Variants in RSRC1 observed in about 807,000 individuals in gnomAD.
RSRC1 encodes the protein serine/Arginine-related protein 53.
In RSRC1, 39 loss-of-function variants were observed where a neutral mutation model predicts 49.1. The ratio of observed to expected loss-of-function variants is 0.79; its 90% confidence interval spans 0.61 to 1.04. The LOEUF (loss-of-function observed/expected upper bound fraction) is 1.04. Ranked by LOEUF, RSRC1 falls within the 50% of genes least tolerant of loss-of-function variation. The probability of loss-of-function intolerance (pLI) is 0.00; values close to 1 mark genes in which losing one functional copy is unlikely to be tolerated. For missense variants in RSRC1, 388 were observed against 402.4 expected (o/e 0.96, Z 0.31); for synonymous variants, 143 against 130.8 (o/e 1.09, Z -0.63).
chr3:158,291,144 A>G (rs1466060867), intron 4 of RSRC1, among the ~76,000 whole-genome samples: 1 of 152,240 alleles, frequency 6.6e-6, no homozygotes, highest in Non-Finnish European at 1.5e-5. Flanking sequence ...GAGTCTAACT[A>G]GATGTTGCTA....
chr3:158,474,237 A>G lies in RSRC1; in HGVS notation c.652+13234A>G, dbSNP rs1241761012. ...CCATTCCGATAAAGCAAATATCTCA[A>G]TAAGGCCAGTCACACTAATTTTTTT... On this transcript the variant is annotated intron_variant, in intron 7 of 9. Coordinates refer to ENST00000611884, the MANE Select transcript of RSRC1 (RefSeq NM_001271838.2). Among the ~76,000 whole-genome samples, 4 of 152,290 alleles carry G rather than the reference A, an allele frequency of 2.6e-5. No homozygotes were observed. The South Asian group carries it at 6.2e-4, about 24-fold the overall frequency.
chr3:158,210,351 T>G (rs1721602350), intron 4 of RSRC1, among the ~76,000 whole-genome samples: 1 of 151,998 alleles, frequency 6.6e-6, no homozygotes, highest in Admixed American at 6.6e-5. Context: ...CATGCAAAAT[T>G]TATTGAAAAA....
intron 9 of RSRC1, chr3:158,543,752 T>TC (rs1466183862): frequency 2.0e-5 from 6 of 302,314 alleles, no homozygotes; most frequent in South Asian, 9.8e-5. Context: ...TTTTTTCCTT[T>TC]TTTTTTTTTT....
At chr3:158,469,440 G>A (rs1002651401) in intron 7 of RSRC1, 2 of 433,512 alleles carry the variant, frequency 4.6e-6, no homozygotes, top group African/African-American at 4.1e-5. Context: ...AGAAGCTGAA[G>A]ATGGATTAGT....
rs531642369 is a variant in RSRC1, at chr3:158,258,620, T to G, written c.495-39419T>G. Among the ~76,000 whole-genome samples, 103 of 152,284 alleles carry G rather than the reference T, an allele frequency of 6.8e-4. 2 individuals are homozygous for G. Among genetic ancestry groups the G allele is most frequent in the South Asian group, 2.7e-3 (13 of 4,826 alleles). On this transcript the variant is annotated intron_variant, in intron 4 of 9. Coordinates refer to ENST00000611884, the MANE Select transcript of RSRC1 (RefSeq NM_001271838.2). ...TGGGAAATTCTCTGTTTTTATCCCTTTGAACAAACTTTCTACCTCTGTCTC... is the reference window on the plus strand; with the variant it reads ...TGGGAAATTCTCTGTTTTTATCCCTGTGAACAAACTTTCTACCTCTGTCTC...
chr3:158,229,289 C>CGTATATGTGTATGTATGTATATAAACAT (rs1553771830), intron 4 of RSRC1, among the ~76,000 whole-genome samples: 1,033 of 38,550 alleles, frequency 0.027, 71 homozygotes, highest in African/African-American at 0.07. Flanking sequence ...TAAACATACA[C>CGTATATGTGTATGTATGTATATAAACAT]ACACGTATAT....
chr3:158,489,635 T>C (rs547666311), intron 7 of RSRC1, among the ~76,000 whole-genome samples: 3 of 152,258 alleles, frequency 2.0e-5, no homozygotes, highest in East Asian at 3.9e-4. Flanking sequence ...TTAATTTATC[T>C]TCAAATTTAG....
At chr3:158,376,440 G>A (rs989571015) in intron 6 of RSRC1, among the ~76,000 whole-genome samples, 17 of 152,032 alleles carry the variant, frequency 1.1e-4, no homozygotes, top group Non-Finnish European at 2.4e-4. Flanking sequence ...GGGATTACAG[G>A]TGTGAGCTAC....
rs1321148651 is a variant in RSRC1 at position 158,488,251 on chromosome 3, TC to T, written c.652+27249del. Among the ~76,000 whole-genome samples the T allele has an allele frequency of 2.0e-5, 3 of 152,278 alleles. No individual in the cohort carries two copies. In the East Asian group the frequency reaches 5.8e-4, roughly 29 times the overall value. ...AAAAATCTGTTATGTCTGAAGGAAC[TC>T]TTTTAATAAGTATAAAAAATTCTAA... On this transcript the variant is annotated intron_variant, in intron 7 of 9. Transcript: ENST00000611884.
chr3:158,179,464 C>T (rs1228450815), intron 3 of RSRC1, among the ~76,000 whole-genome samples: 3 of 152,100 alleles, frequency 2.0e-5, no homozygotes, highest in African/African-American at 7.2e-5. Context: ...TAATTTTTGT[C>T]ATTTAAGAAC....
At chr3:158,533,367 T>A (rs1030602891) in intron 7 of RSRC1, among the ~76,000 whole-genome samples, 2 of 151,814 alleles carry the variant, frequency 1.3e-5, no homozygotes, top group East Asian at 1.9e-4. Flanking sequence ...GAAGTGATCT[T>A]TAAAGAAACA....
intron 7 of RSRC1, among the ~76,000 whole-genome samples, chr3:158,501,475 T>G (rs1173258751): frequency 1.3e-5 from 2 of 152,130 alleles, no homozygotes; most frequent in Non-Finnish European, 2.9e-5. Context: ...CCCCTACTAT[T>G]ATTGTGTTGC....
intron 3 of RSRC1, among the ~76,000 whole-genome samples, chr3:158,144,745 C>A (rs1403622398): frequency 6.6e-6 from 1 of 152,070 alleles, no homozygotes; most frequent in African/African-American, 2.4e-5. Flanking sequence ...GTTTACAGTC[C>A]CCCCAACAGT....
intron 7 of RSRC1, among the ~76,000 whole-genome samples, chr3:158,521,958 G>A (rs1254002624): frequency 6.6e-6 from 1 of 151,922 alleles, no homozygotes. Context: ...TTGCTTTATT[G>A]ATATGATAAT....
chr3:158,284,543 C>A (rs1726391343), intron 4 of RSRC1, among the ~76,000 whole-genome samples: 1 of 147,616 alleles, frequency 6.8e-6, no homozygotes, highest in Non-Finnish European at 1.5e-5. Context: ...TCCACATCCT[C>A]TCCAGCACCT....
intron 7 of RSRC1, among the ~76,000 whole-genome samples, chr3:158,531,256 T>G (rs12487004): frequency 0.21 from 31,210 of 151,508 alleles, 4,162 homozygotes; most frequent in African/African-American, 0.38. Flanking sequence ...GGTGGCAAGG[T>G]GTGGCATCAT....
At chr3:158,354,262 T>A (rs1216071011) in intron 5 of RSRC1, among the ~76,000 whole-genome samples, 1 of 152,220 alleles carries the variant, frequency 6.6e-6, no homozygotes, top group Admixed American at 6.5e-5. Context: ...GTGCTGGGAT[T>A]ACGGGCGTCA....
intron 6 of RSRC1, among the ~76,000 whole-genome samples, chr3:158,426,233 C>T (rs1735432356): frequency 6.6e-6 from 1 of 151,630 alleles, no homozygotes; most frequent in African/African-American, 2.4e-5. Context: ...TAAAATTAGA[C>T]ATCTTGATGA....
At chr3:158,187,189 A>C (rs531794683) in intron 3 of RSRC1, among the ~76,000 whole-genome samples, 1 of 152,076 alleles carries the variant, frequency 6.6e-6, no homozygotes, top group Admixed American at 6.6e-5. Context: ...AAATATCCAA[A>C]ACACCAAAGG....
Sources: allele counts gnomAD v4.1 joint callset (sites outside exome capture counted in the v4.1 genomes callset), GRCh38; gene constraint gnomAD v4.1.1; transcripts MANE v1.5; gene names NCBI Gene and HGNC (gene_info 2026-07-23, HGNC 2026-07-21).